Variants in OLA1 observed in about 807,000 individuals in gnomAD.
The protein encoded by OLA1 is obg-like ATPase 1.
Under a neutral mutation model 48.4 loss-of-function variants are expected in OLA1, and 14 were observed. The observed-to-expected ratio is 0.29, with a 90% CI of 0.19 to 0.45. The LOEUF is 0.45. OLA1 is among the 20% of genes least tolerant of loss of function. OLA1 has a pLI of 1.00. For missense variants in OLA1, 325 were observed against 467.1 expected (o/e 0.70, Z 2.80); for synonymous variants, 127 against 150.4 (o/e 0.84, Z 1.14).
chr2:174,166,997 G>GC (rs1687182726), intron 4 of OLA1, among the ~76,000 whole-genome samples: 2 of 151,964 alleles, frequency 1.3e-5, no homozygotes, highest in African/African-American at 4.8e-5. Flanking sequence ...TAATTGTTAT[G>GC]CAAGATAAAG....
chr2:174,143,566 A>T (rs951428111), intron 4 of OLA1, among the ~76,000 whole-genome samples: 11 of 152,226 alleles, frequency 7.2e-5, no homozygotes, highest in Non-Finnish European at 1.3e-4. Flanking sequence ...TGTAGGGTCC[A>T]AAGACTAACC....
intron 3 of OLA1, among the ~76,000 whole-genome samples, chr2:174,227,831 T>C (rs547455018): frequency 1.3e-3 from 198 of 152,282 alleles, no homozygotes; most frequent in Middle Eastern, 3.4e-3. Context: ...AGAATCCTCA[T>C]AGTAAAAATT....
chr2:174,194,727 T>A (rs1440440780), intron 4 of OLA1, among the ~76,000 whole-genome samples: 1 of 152,216 alleles, frequency 6.6e-6, no homozygotes, highest in Middle Eastern at 3.2e-3. Flanking sequence ...CAGCTAAGTA[T>A]AAATTTTTGA....
chr2:174,149,467 A>G (rs1282935469), intron 4 of OLA1, among the ~76,000 whole-genome samples: 4 of 152,210 alleles, frequency 2.6e-5, no homozygotes, highest in African/African-American at 7.2e-5. Context: ...ATATACTCTG[A>G]GGCAGTATCA....
intron 4 of OLA1, among the ~76,000 whole-genome samples, chr2:174,180,974 A>C (rs1332625739): frequency 6.6e-6 from 1 of 152,180 alleles, no homozygotes; most frequent in East Asian, 1.9e-4. Context: ...TATTTATCTC[A>C]AAGGAAAACA....
At chr2:174,164,373 G>C (rs1687111741) in intron 4 of OLA1, among the ~76,000 whole-genome samples, 1 of 152,076 alleles carries the variant, frequency 6.6e-6, no homozygotes, top group African/African-American at 2.4e-5. Flanking sequence ...AGTGCAGAAT[G>C]GATACCATTC....
intron 5 of OLA1, among the ~76,000 whole-genome samples, chr2:174,131,231 T>G (rs528315560): frequency 2.6e-4 from 40 of 152,272 alleles, no homozygotes; most frequent in African/African-American, 8.2e-4. Context: ...TATATTACTT[T>G]GCGTCTGGCT....
At chr2:174,122,514 C>A (rs1558964227) in intron 7 of OLA1, among the ~76,000 whole-genome samples, 1 of 152,124 alleles carries the variant, frequency 6.6e-6, no homozygotes, top group Non-Finnish European at 1.5e-5. Flanking sequence ...GTATAAAATA[C>A]TTAAGAGTCC....
chr2:174,170,658 G>A (rs1687277844), intron 4 of OLA1, among the ~76,000 whole-genome samples: 2 of 152,098 alleles, frequency 1.3e-5, no homozygotes, highest in African/African-American at 4.8e-5. Context: ...ACACTTTTGG[G>A]AGGCTGAGAC....
intron 4 of OLA1, among the ~76,000 whole-genome samples, chr2:174,148,152 C>T (rs1686657464): frequency 6.6e-6 from 1 of 152,166 alleles, no homozygotes; most frequent in Non-Finnish European, 1.5e-5. Context: ...TTTGGGAGGC[C>T]GAGGCGGGCA....
chr2:174,162,865 G>A (rs67970170), intron 4 of OLA1, among the ~76,000 whole-genome samples: 16,654 of 151,976 alleles, frequency 0.11, 2,164 homozygotes, highest in East Asian at 0.71. Flanking sequence ...GCAATGTGGC[G>A]AAACTCCTGT....
At chr2:174,180,597 C>G (rs1687510728) in intron 4 of OLA1, among the ~76,000 whole-genome samples, 1 of 152,182 alleles carries the variant, frequency 6.6e-6, no homozygotes, top group Non-Finnish European at 1.5e-5. Context: ...TTCCTAAAGA[C>G]AGTCATGCTG....
At chr2:174,232,158 T>C (rs975346954) in intron 2 of OLA1, among the ~76,000 whole-genome samples, 2 of 152,326 alleles carry the variant, frequency 1.3e-5, no homozygotes, top group Middle Eastern at 6.8e-3. Flanking sequence ...ACTTAGGACC[T>C]ACATACTTTA....
chr2:174,100,339 G>A (rs547390881), intron 7 of OLA1, among the ~76,000 whole-genome samples: 1 of 152,308 alleles, frequency 6.6e-6, no homozygotes, highest in South Asian at 2.1e-4. Flanking sequence ...CAAGTCTGCT[G>A]TTGATTGACC....
At chr2:174,099,280 C>T (rs1472600145) in intron 7 of OLA1, among the ~76,000 whole-genome samples, 1 of 151,988 alleles carries the variant, frequency 6.6e-6, no homozygotes, top group Non-Finnish European at 1.5e-5. Flanking sequence ...CTCAGCCTCC[C>T]GAGTAGCTGG....
chr2:174,125,945 GCT>G (rs747239535), intron 5 of OLA1, among the ~76,000 whole-genome samples: 1 of 152,026 alleles, frequency 6.6e-6, no homozygotes, highest in African/African-American at 2.4e-5. Flanking sequence ...TGTACTCAGT[GCT>G]CTCTTAATTA....
chr2:174,187,234 A>T lies in OLA1; in HGVS notation c.373+35799T>A, dbSNP rs1015150309. On this transcript the variant is annotated intron_variant, in intron 4 of 10. Transcript: ENST00000284719. ...GACACATTTGCCAAGGTCATCACTG[A>T]TGAAAATGTGATGCCAGAACAAGTC... Among the ~76,000 whole-genome samples the T allele has an allele frequency of 1.8e-4, 28 of 152,240 alleles. 1 individual carries two copies. Among genetic ancestry groups the T allele is most frequent in the African/African-American group, 5.3e-4 (22 of 41,464 alleles).
At chr2:174,171,508 T>G (rs886586940) in intron 4 of OLA1, among the ~76,000 whole-genome samples, 9 of 152,048 alleles carry the variant, frequency 5.9e-5, no homozygotes, top group Non-Finnish European at 1.0e-4. Context: ...CACAAACGTT[T>G]TAAGAATCAA....
At chr2:174,130,594 G>A (rs1686158521) in intron 5 of OLA1, among the ~76,000 whole-genome samples, 1 of 152,172 alleles carries the variant, frequency 6.6e-6, no homozygotes, top group Non-Finnish European at 1.5e-5. Flanking sequence ...TTAGTAAAGA[G>A]AAGAAGGCAA....
Sources: allele counts gnomAD v4.1 joint callset (sites outside exome capture counted in the v4.1 genomes callset), GRCh38; gene constraint gnomAD v4.1.1; transcripts MANE v1.5; gene names NCBI Gene and HGNC (gene_info 2026-07-23, HGNC 2026-07-21).